Variants in NOMO3 observed in about 807,000 individuals in gnomAD.
NOMO3 encodes NODAL modulator 3.
NOMO3 carries 15 observed loss-of-function variants against 69.9 expected under a neutral mutation model. The observed-to-expected ratio is 0.21, with a 90% CI of 0.14 to 0.33. The LOEUF (loss-of-function observed/expected upper bound fraction) is 0.33. Ranked by LOEUF, NOMO3 falls within the 10% of genes least tolerant of loss-of-function variation. The probability of loss-of-function intolerance (pLI) is 1.00; values close to 1 mark genes in which losing one functional copy is unlikely to be tolerated. For missense variants in NOMO3, 218 were observed against 761.0 expected (o/e 0.29, Z 8.39); for synonymous variants, 89 against 301.9 (o/e 0.29, Z 7.31).
Position 16,263,140 on chromosome 16 carries a change from G to A in NOMO3, c.1462G>A (p.Val488Met). Residue 488 changes from valine (V) to methionine (M), a missense_variant, in exon 13 of 31, where the codon GTG becomes ATG. Transcript: ENST00000399336. Reference protein sequence around the residue: ...TLKPQTFPLTVTDRPVMDVAF... With the variant: ...TLKPQTFPLTMTDRPVMDVAF... ...GAAACCCCAGACATTTCCTCTTACT[G>A]TGACCGACAGGCCTGTGATGGATGT... 1.3e-6 allele frequency: 2 copies of A among 1,591,180 alleles called. No homozygotes were observed. Among genetic ancestry groups the A allele is most frequent in the Non-Finnish European group, 8.5e-7 (1 of 1,176,114 alleles).
At chr16:16,257,520 G>A (rs1258633540) in intron 11 of NOMO3, among the ~76,000 whole-genome samples, 1 of 134,754 alleles carries the variant, frequency 7.4e-6, no homozygotes, top group Non-Finnish European at 1.5e-5. Flanking sequence ...CTCTTCAATA[G>A]GTACTTGGAT....
rs1466718513 is a variant in NOMO3 at position 16,232,603 on chromosome 16, G to C, written c.-64G>C. The C allele has an allele frequency of 5.0e-6, 2 of 403,994 alleles. No individual in the cohort carries two copies. The highest frequency in any genetic ancestry group is 7.2e-5 in the South Asian group (1 of 13,860). The allele number at this position is 403,994 out of a possible 1,614,324, so 25.0% of individuals were successfully genotyped here. On this transcript the variant is annotated 5_prime_UTR_variant, in exon 1 of 31. Transcript: ENST00000399336. ...GGCCTAGGAGGAGGAAGGAGCCTGC[G>C]GCGTGCAGTGTGAGGGGCGGGACCC...
At chr16:16,265,942 G>A (rs1425357151) in intron 15 of NOMO3, among the ~76,000 whole-genome samples, 7 of 144,606 alleles carry the variant, frequency 4.8e-5, no homozygotes, top group Admixed American at 1.3e-4. Context: ...GGATCCACCC[G>A]CGTTGGCCTC....
chr16:16,244,024 G>A (rs1242454462), intron 4 of NOMO3, among the ~76,000 whole-genome samples: 1 of 143,796 alleles, frequency 7.0e-6, no homozygotes, highest in Non-Finnish European at 1.5e-5. Flanking sequence ...GACCGCCACG[G>A]TGGTGTGAAT....
intron 4 of NOMO3, among the ~76,000 whole-genome samples, chr16:16,244,122 G>A (rs1365376691): frequency 7.0e-6 from 1 of 142,854 alleles, no homozygotes; most frequent in African/African-American, 2.8e-5. Context: ...TGTGCCTGCG[G>A]TTGAGATGTG....
chr16:16,270,476 G>A (rs1285004726), intron 17 of NOMO3, among the ~76,000 whole-genome samples: 1 of 51,394 alleles, frequency 1.9e-5, no homozygotes, highest in African/African-American at 1.3e-4. Flanking sequence ...ATGGGCATCT[G>A]TCAAGTTCAA....
At chr16:16,233,850 AGTGAAGG>A (rs1202496787) in intron 1 of NOMO3, among the ~76,000 whole-genome samples, 1 of 117,738 alleles carries the variant, frequency 8.5e-6, no homozygotes, top group Non-Finnish European at 1.8e-5. Flanking sequence ...CAGGGCTGGC[AGTGAAGG>A]GTGAAGCTCT....
In NOMO3 at chr16:16,261,355, C is replaced by A. The variant is rs1288164626; in HGVS notation, c.1221-147C>A. 6 of 1,371,558 alleles carry A rather than the reference C, an allele frequency of 4.4e-6. 1 individual carries two copies. The African/African-American group carries it at 8.9e-5, about 20-fold the overall frequency. 85.0% of individuals were successfully genotyped at this position (1,371,558 alleles called of 1,614,324 possible). ...GAAGGTTGCTTTTTAAAACCAGAAT[C>A]ATCTGGATTGCATTCTGTCTCTTCA... On this transcript the variant is annotated intron_variant, in intron 11 of 30. Coordinates refer to ENST00000399336, the MANE Select transcript of NOMO3 (RefSeq NM_001004067.4).
At chr16:16,256,344 C>T (rs1238875102) in intron 11 of NOMO3, among the ~76,000 whole-genome samples, 186 bp downstream of exon 11, 1 of 121,082 alleles carries the variant, frequency 8.3e-6, no homozygotes, top group East Asian at 3.0e-4. Flanking sequence ...GGTGCCATCT[C>T]GACTCACTGC....
intron 13 of NOMO3, 99 bp downstream of exon 13, chr16:16,263,314 A>G: frequency 1.9e-6 from 3 of 1,590,244 alleles, no homozygotes; most frequent in Non-Finnish European, 2.6e-6. Context: ...GTTGTTTGCT[A>G]CTGATCACCT....
At chr16:16,265,319 C>G in intron 15 of NOMO3, 140 bp downstream of exon 15, 1 of 1,525,574 alleles carries the variant, frequency 6.6e-7, no homozygotes, top group Non-Finnish European at 8.8e-7. Context: ...ACCTGTTACG[C>G]AACGCATAAT....
intron 3 of NOMO3, among the ~76,000 whole-genome samples, chr16:16,242,668 G>A (rs1309033403): frequency 4.2e-5 from 6 of 142,980 alleles, no homozygotes; most frequent in Non-Finnish European, 5.9e-5. Flanking sequence ...GTTGAATTGG[G>A]GCTCTGTTAC....
rs1053483336 is a variant in NOMO3, at chr16:16,256,269, A to G, written c.1220+111A>G. 8.3e-6 allele frequency: 12 copies of G among 1,448,802 alleles called. 1 individual carries two copies. The highest frequency in any genetic ancestry group is 1.1e-5 in the Non-Finnish European group (12 of 1,094,020). The allele number at this position is 1,448,802 out of a possible 1,614,324, so 89.7% of individuals were successfully genotyped here. On this transcript the variant is annotated intron_variant, in intron 11 of 30. Coordinates refer to ENST00000399336, the MANE Select transcript of NOMO3 (RefSeq NM_001004067.4). ...TGCCGAGCTTAAGAACTTAAGAAAG[A>G]TTAGTACTTTTTTTTTTTTTTTGAG...
chr16:16,266,457 G>T (rs1386084508), intron 15 of NOMO3: 2 of 140,734 alleles, frequency 1.4e-5, no homozygotes, highest in Non-Finnish European at 2.5e-5. Flanking sequence ...CTCACTCGCC[G>T]GGCCCCAGCC....
rs2049291000 is a variant in NOMO3 at position 16,232,651 on chromosome 16, T to C, written c.-16T>C. ...CCCGGCTGCCGGCGGTGGGTCTAGC[T>C]GGGGGAGGTCGGGCCATGCTGGTGG... On this transcript the variant is annotated 5_prime_UTR_variant, in exon 1 of 31. Coordinates refer to ENST00000399336, the MANE Select transcript of NOMO3 (RefSeq NM_001004067.4). 1 of 608,130 alleles carries C rather than the reference T, an allele frequency of 1.6e-6. No individual in the cohort carries two copies. The allele number at this position is 608,130 out of a possible 1,614,324, so 37.7% of individuals were successfully genotyped here. A position where few individuals can be genotyped will look rare whatever the true frequency, so the allele number is the denominator to read the frequency against.
At chr16:16,265,944 G>A (rs1368118330) in intron 15 of NOMO3, among the ~76,000 whole-genome samples, 3 of 144,846 alleles carry the variant, frequency 2.1e-5, no homozygotes, top group Non-Finnish European at 4.4e-5. Flanking sequence ...ATCCACCCGC[G>A]TTGGCCTCGC....
intron 3 of NOMO3, among the ~76,000 whole-genome samples, chr16:16,241,021 C>G (rs1464043041): frequency 1.4e-5 from 2 of 143,256 alleles, no homozygotes; most frequent in Non-Finnish European, 3.0e-5. Context: ...CCAACTGGTG[C>G]TGTTGATAAG....
chr16:16,268,271 C>T (rs2049635108), intron 16 of NOMO3, among the ~76,000 whole-genome samples: 2 of 145,612 alleles, frequency 1.4e-5, no homozygotes, highest in African/African-American at 5.5e-5. Context: ...GGAATTGCTG[C>T]ATTGTGTGAT....
intron 1 of NOMO3, among the ~76,000 whole-genome samples, chr16:16,236,493 C>T (rs1268065270): frequency 2.8e-5 from 4 of 143,962 alleles, no homozygotes; most frequent in Non-Finnish European, 4.4e-5. Flanking sequence ...AGTGATCTGC[C>T]CACCTCACCC....
Sources: allele counts gnomAD v4.1 joint callset (sites outside exome capture counted in the v4.1 genomes callset), GRCh38; gene constraint gnomAD v4.1.1; transcripts MANE v1.5; gene names NCBI Gene and HGNC (gene_info 2026-07-23, HGNC 2026-07-21).